The following MRTFB variants were observed in gnomAD, a reference collection of about 807,000 sequenced individuals.
MRTFB encodes myocardin related transcription factor B, also known as myocardin-related transcription factor B.
A neutral mutation model predicts 104.2 loss-of-function variants in MRTFB; 29 were observed. That is an observed-to-expected ratio of 0.28 (90% CI 0.21 to 0.38). MRTFB has a LOEUF of 0.38. Among genes scored for constraint, MRTFB ranks in the 10% least tolerant of loss-of-function variants. The pLI, the probability that MRTFB is intolerant of heterozygous loss-of-function variation, is 1.00. For missense variants in MRTFB, 1,270 were observed against 1,341.6 expected (o/e 0.95, Z 0.83); for synonymous variants, 535 against 519.5 (o/e 1.03, Z -0.41).
the MRTFB span, among the ~76,000 whole-genome samples, chr16:14,027,383 C>T: frequency 6.6e-6 from 1 of 152,052 alleles, no homozygotes; most frequent in Non-Finnish European, 1.5e-5. Flanking sequence ...GGATTGGAGA[C>T]AGTGCAACTA....
intron 2 of MRTFB, among the ~76,000 whole-genome samples, chr16:14,123,325 C>G (rs933974280): frequency 6.7e-6 from 1 of 149,496 alleles, no homozygotes; most frequent in Non-Finnish European, 1.5e-5. Flanking sequence ...GTTGCCGTTG[C>G]TTTTGGTGTT....
intron 10 of MRTFB, among the ~76,000 whole-genome samples, chr16:14,243,064 A>C (rs960246967): frequency 6.6e-6 from 1 of 152,164 alleles, no homozygotes; most frequent in African/African-American, 2.4e-5. Context: ...AAAAATGTCT[A>C]AAAGGCTCTT....
chr16:14,225,895 T>C (rs1054337789), intron 8 of MRTFB, among the ~76,000 whole-genome samples: 4 of 152,194 alleles, frequency 2.6e-5, no homozygotes, highest in Admixed American at 6.5e-5. Flanking sequence ...TGATAGCATC[T>C]TTATGAGGGG....
chr16:14,188,131 A>G (rs904100479), intron 3 of MRTFB, among the ~76,000 whole-genome samples: 2 of 152,194 alleles, frequency 1.3e-5, no homozygotes, highest in Non-Finnish European at 2.9e-5. Flanking sequence ...ATGACACACA[A>G]TGAAGTATAA....
chr16:14,205,727 T>G (rs911234355), intron 3 of MRTFB, among the ~76,000 whole-genome samples: 33 of 152,358 alleles, frequency 2.2e-4, no homozygotes, highest in African/African-American at 7.9e-4. Context: ...TTTGAACTGT[T>G]TAGTCCCCTG....
At chr16:14,053,634 G>A in the MRTFB span, among the ~76,000 whole-genome samples, 1 of 151,802 alleles carries the variant, frequency 6.6e-6, no homozygotes, top group Admixed American at 6.6e-5. Flanking sequence ...AGGAGGCTGA[G>A]GCAGCAGAAT....
rs905576811 is a variant in MRTFB, at chr16:14,262,278, A to G, written c.*834A>G. 1.3e-5 allele frequency: 2 copies of G among 152,234 alleles called. No homozygotes were observed. Among genetic ancestry groups the G allele is most frequent in the African/African-American group, 4.8e-5 (2 of 41,456 alleles). 9.4% of individuals were successfully genotyped at this position (152,234 alleles called of 1,614,324 possible). ...GTACAGCCTACGCTGGGGTAAGGAA[A>G]TGGGTATCCAAGGTCCTACTTTTTT... On this transcript the variant is annotated 3_prime_UTR_variant, in exon 17 of 17. Transcript: ENST00000571589.
intron 2 of MRTFB, among the ~76,000 whole-genome samples, chr16:14,111,790 C>T (rs1044765389): frequency 1.1e-4 from 17 of 152,168 alleles, no homozygotes; most frequent in African/African-American, 2.7e-4. Context: ...GGTCCTCTGG[C>T]GCCTCTTTCT....
At chr16:14,252,570 C>T in intron 15 of MRTFB, 68 bp downstream of exon 15, 1 of 1,532,564 alleles carries the variant, frequency 6.5e-7, no homozygotes, top group East Asian at 2.3e-5. Context: ...CTCGAGCAGA[C>T]CTATACAGAA....
chr16:14,236,988 A>G (rs896534174), intron 9 of MRTFB, among the ~76,000 whole-genome samples: 16 of 152,188 alleles, frequency 1.1e-4, no homozygotes, highest in African/African-American at 3.9e-4. Context: ...GTTGTGAACC[A>G]TCTACTGTTG....
intron 6 of MRTFB, among the ~76,000 whole-genome samples, chr16:14,216,491 T>G (rs940387977): frequency 3.3e-5 from 5 of 152,176 alleles, no homozygotes; most frequent in African/African-American, 1.2e-4. Context: ...GTTGTACCAA[T>G]TTTATGCATT....
chr16:14,257,061 A>G (rs993247219), intron 15 of MRTFB, among the ~76,000 whole-genome samples: 4 of 152,266 alleles, frequency 2.6e-5, no homozygotes, highest in Non-Finnish European at 4.4e-5. Context: ...ACCTAATGAA[A>G]TATCTAAAAT....
chr16:14,077,842 G>GA (rs894520825), intron 1 of MRTFB, among the ~76,000 whole-genome samples: 5 of 151,680 alleles, frequency 3.3e-5, no homozygotes, highest in African/African-American at 9.7e-5. Context: ...TTTCAAAAAA[G>GA]AAAAAAAGAA....
chr16:14,229,699 C>T (rs2042171353), intron 8 of MRTFB, among the ~76,000 whole-genome samples: 1 of 151,800 alleles, frequency 6.6e-6, no homozygotes, highest in African/African-American at 2.4e-5. Context: ...TTCCTGTAGC[C>T]ATTTCTAGTA....
intron 3 of MRTFB, among the ~76,000 whole-genome samples, chr16:14,166,958 C>T (rs2039265106): frequency 6.6e-6 from 1 of 152,124 alleles, no homozygotes; most frequent in African/African-American, 2.4e-5. Flanking sequence ...GTGAATAGTG[C>T]TGCAGTTAAC....
intron 15 of MRTFB, among the ~76,000 whole-genome samples, chr16:14,253,957 G>C (rs1215257889): frequency 6.6e-6 from 1 of 152,208 alleles, no homozygotes; most frequent in African/African-American, 2.4e-5. Context: ...CAGGGGAGCA[G>C]AGACGAAGTG....
At chr16:14,085,946 A>G (rs892602812) in intron 2 of MRTFB, among the ~76,000 whole-genome samples, 5 of 152,242 alleles carry the variant, frequency 3.3e-5, no homozygotes, top group African/African-American at 1.2e-4. Context: ...GGGAAAAGTA[A>G]GTATCTAAAC....
At chr16:14,002,919 G>A in the MRTFB span, among the ~76,000 whole-genome samples, 3 of 152,024 alleles carry the variant, frequency 2.0e-5, no homozygotes, top group African/African-American at 4.8e-5. Context: ...GGGGCTGTTC[G>A]TGAGGTTCTG....
chr16:14,000,914 T>C, the MRTFB span, among the ~76,000 whole-genome samples: 14 of 152,354 alleles, frequency 9.2e-5, no homozygotes, highest in Admixed American at 3.3e-4. Flanking sequence ...TTCTAATCTT[T>C]AAAATGGTGA....
Sources: gnomAD v4.1 joint callset for allele counts (sites outside exome capture counted in the v4.1 genomes callset) on GRCh38, gnomAD v4.1.1 for gene constraint, MANE v1.5 for transcripts, NCBI Gene and HGNC (gene_info 2026-07-23, HGNC 2026-07-21) for gene names.